IQSEC1: variants seen among roughly 807,000 people sequenced by gnomAD.
IQSEC1 encodes the protein IQ motif and SEC7 domain-containing protein 1.
IQSEC1 carries 31 observed loss-of-function variants against 91.0 expected under a neutral mutation model. The ratio of observed to expected loss-of-function variants is 0.34; its 90% CI spans 0.26 to 0.46. The LOEUF is 0.46. IQSEC1 is among the 20% of genes least tolerant of loss of function. The pLI, the probability that IQSEC1 is intolerant of heterozygous loss-of-function variation, is 1.00. For synonymous variants in IQSEC1, 699 were observed against 662.6 expected (o/e 1.05, Z -0.84); for missense variants, 1,388 against 1,575.6 (o/e 0.88, Z 2.02).
chr3:13,260,902 C>T (rs2125129558), intron 1 of IQSEC1, among the ~76,000 whole-genome samples: 1 of 152,260 alleles, frequency 6.6e-6, no homozygotes, highest in South Asian at 2.1e-4. Flanking sequence ...ATGAGGAGTC[C>T]CCAGTGCTGG....
At chr3:12,942,362 G>A (rs145412470) in intron 1 of IQSEC1, among the ~76,000 whole-genome samples, 4,124 of 152,290 alleles carry the variant, frequency 0.027, 68 homozygotes, top group Middle Eastern at 0.051. Flanking sequence ...CAGCACTTTG[G>A]GAGGCCGAGG....
chr3:13,127,189 G>A (rs1219492183), intron 2 of IQSEC1, among the ~76,000 whole-genome samples: 3 of 152,064 alleles, frequency 2.0e-5, no homozygotes, highest in Non-Finnish European at 4.4e-5. Context: ...GAGGCAGGTG[G>A]ATCACCTGAG....
intron 1 of IQSEC1, among the ~76,000 whole-genome samples, chr3:13,048,526 C>T (rs1313700442): frequency 6.6e-6 from 1 of 152,250 alleles, no homozygotes; most frequent in Non-Finnish European, 1.5e-5. Context: ...GGGCACAGGC[C>T]AAGCCTGGGC....
At chr3:12,933,633 C>T (rs535625847) in intron 3 of IQSEC1, among the ~76,000 whole-genome samples, 1 of 152,276 alleles carries the variant, frequency 6.6e-6, no homozygotes, top group East Asian at 1.9e-4. Context: ...GGGGGTTATG[C>T]TGCCCAAGGA....
At chr3:13,002,831 A>C (rs538251508) in intron 1 of IQSEC1, among the ~76,000 whole-genome samples, 4 of 152,218 alleles carry the variant, frequency 2.6e-5, no homozygotes, top group East Asian at 1.9e-4. Flanking sequence ...GACAATAACA[A>C]ATGTGGGACA....
At chr3:12,903,566 C>T (rs976132258) in intron 12 of IQSEC1, among the ~76,000 whole-genome samples, 1 of 152,248 alleles carries the variant, frequency 6.6e-6, no homozygotes, top group Non-Finnish European at 1.5e-5. Context: ...CAGCGCAGAG[C>T]ACACAGTAGG....
chr3:13,028,525 C>A (rs748723567), intron 1 of IQSEC1, among the ~76,000 whole-genome samples: 1 of 152,190 alleles, frequency 6.6e-6, no homozygotes, highest in Non-Finnish European at 1.5e-5. Context: ...GCTAAGGTGA[C>A]CCCAACCGGG....
intron 1 of IQSEC1, among the ~76,000 whole-genome samples, chr3:13,030,182 C>T (rs940596609): frequency 6.6e-6 from 1 of 152,204 alleles, no homozygotes; most frequent in East Asian, 1.9e-4. Flanking sequence ...ACTGCAACCT[C>T]CACCTGCCAG....
chr3:12,915,671 T>G lies in IQSEC1; in HGVS notation c.2083A>C (p.Lys695Gln), dbSNP rs772248025. Residue 695 changes from lysine to glutamine, a missense_variant, in exon 7 of 14, where the codon AAG becomes CAG. Lys to Gln is a moderately conservative substitution (Grantham distance 53, BLOSUM62 1). This residue lies in a region of IQSEC1 where 1,059 missense variants were observed against 1,317.8 expected (regional missense o/e 0.80). Transcript: ENST00000613206. ...MLMGIYERIRKRELKTNEDHV... is the reference protein window; with the variant it reads ...MLMGIYERIRQRELKTNEDHV... ...TCCTCATTGGTCTTTAGCTCTCGCT[T>G]ACGGATCCGTTCATAGATCCCCATC... 21 of 1,614,060 alleles carry G rather than the reference T, an allele frequency of 1.3e-5. No individual in the cohort carries two copies. In the South Asian group the frequency reaches 1.5e-4, roughly 12 times the overall value.
intron 1 of IQSEC1, among the ~76,000 whole-genome samples, chr3:13,208,751 C>T (rs572916272): frequency 2.6e-5 from 4 of 152,294 alleles, no homozygotes; most frequent in Admixed American, 1.3e-4. Context: ...CCCCCAACTC[C>T]GACCCCCTTC....
chr3:13,011,102 T>C (rs1339500483), intron 1 of IQSEC1, among the ~76,000 whole-genome samples: 2 of 152,194 alleles, frequency 1.3e-5, no homozygotes, highest in Non-Finnish European at 2.9e-5. Context: ...CAAAAAAACT[T>C]TGTCTCACTG....
intron 1 of IQSEC1, among the ~76,000 whole-genome samples, chr3:13,263,438 G>GGGGGGA (rs1695428174): frequency 1.3e-5 from 1 of 74,138 alleles, no homozygotes; most frequent in Non-Finnish European, 2.7e-5. Flanking sequence ...GGGGGGGGGG[G>GGGGGGA]GAAAGTACCT....
At chr3:13,166,443 G>A (rs539537299) in intron 1 of IQSEC1, among the ~76,000 whole-genome samples, 8 of 152,306 alleles carry the variant, frequency 5.3e-5, no homozygotes, top group East Asian at 3.9e-4. Flanking sequence ...ATTCTGGGAC[G>A]CCAGGGGACA....
intron 1 of IQSEC1, among the ~76,000 whole-genome samples, chr3:13,028,820 G>A (rs899584495): frequency 6.6e-6 from 1 of 152,348 alleles, no homozygotes; most frequent in East Asian, 1.9e-4. Context: ...GTTGGAGATG[G>A]AGAATGGAGT....
intron 1 of IQSEC1, among the ~76,000 whole-genome samples, chr3:12,958,012 C>T (rs1351194297): frequency 1.3e-5 from 2 of 152,196 alleles, no homozygotes; most frequent in Non-Finnish European, 2.9e-5. Context: ...GTAATTTACC[C>T]AAGGCCGCGT....
chr3:13,018,401 C>T (rs753849757), intron 1 of IQSEC1, among the ~76,000 whole-genome samples: 9 of 152,242 alleles, frequency 5.9e-5, no homozygotes, highest in Non-Finnish European at 1.0e-4. Flanking sequence ...TCAACCAGCA[C>T]CCTGGGCCCC....
chr3:13,009,079 A>G (rs764591663), intron 1 of IQSEC1, among the ~76,000 whole-genome samples: 29 of 152,216 alleles, frequency 1.9e-4, no homozygotes, highest in Non-Finnish European at 2.9e-4. Context: ...AGAGATCACC[A>G]CACAGGGAAG....
chr3:13,219,798 G>A (rs73134153), intron 1 of IQSEC1, among the ~76,000 whole-genome samples: 29,897 of 152,200 alleles, frequency 0.2, 4,129 homozygotes, highest in African/African-American at 0.38. Context: ...CAGCTGGGGG[G>A]TGGCACATCT....
intron 2 of IQSEC1, among the ~76,000 whole-genome samples, chr3:13,149,757 G>C (rs1489695349): frequency 1.3e-5 from 2 of 152,132 alleles, no homozygotes; most frequent in African/African-American, 4.8e-5. Flanking sequence ...CCAAGGCCCA[G>C]CCGCAAAGCT....
Sources: gnomAD v4.1 joint callset for allele counts (sites outside exome capture counted in the v4.1 genomes callset) on GRCh38, gnomAD v4.1.1 for gene constraint, gnomAD v4.1.1 regional missense constraint, MANE v1.5 for transcripts, NCBI Gene and HGNC (gene_info 2026-07-23, HGNC 2026-07-21) for gene names.